The following ARHGEF26 variants were observed in gnomAD, a reference collection of about 807,000 sequenced individuals.
ARHGEF26 encodes Rho guanine nucleotide exchange factor 26, also known as Rho guanine nucleotide exchange factor (GEF) 26.
Under a neutral mutation model 89.4 loss-of-function variants are expected in ARHGEF26, and 59 were observed. The ratio of observed to expected loss-of-function variants is 0.66; its 90% CI spans 0.54 to 0.82. ARHGEF26 has a LOEUF of 0.82. Ranked by LOEUF, ARHGEF26 falls within the 40% of genes least tolerant of loss-of-function variation. ARHGEF26 has a pLI of 0.00. For missense variants in ARHGEF26, 1,234 were observed against 1,085.6 expected, an observed-to-expected ratio of 1.14 and a Z score of -1.92; for synonymous variants, 500 against 428.4, an observed-to-expected ratio of 1.17 and a Z score of -2.06.
At chr3:154,123,364 G>A (rs550112807) in intron 2 of ARHGEF26, among the ~76,000 whole-genome samples, 1 of 152,274 alleles carries the variant, frequency 6.6e-6, no homozygotes, top group South Asian at 2.1e-4. Context: ...TTGGCTGAGT[G>A]AGTCTTTACC....
At chr3:154,196,624 T>G (rs1436676386) in intron 9 of ARHGEF26, among the ~76,000 whole-genome samples, 1 of 152,214 alleles carries the variant, frequency 6.6e-6, no homozygotes, top group Non-Finnish European at 1.5e-5. Flanking sequence ...GTGAGCCACT[T>G]AAATTCATCT....
chr3:154,257,070 C>CTAGT lies in ARHGEF26; in HGVS notation c.*1600_*1603dup. The CTAGT allele has an allele frequency of 2.2e-6, 3 of 1,340,780 alleles. No individual in the cohort carries two copies. The highest frequency in any genetic ancestry group is 2.9e-6 in the Non-Finnish European group (3 of 1,031,928). The allele number at this position is 1,340,780 out of a possible 1,614,324, so 83.1% of individuals were successfully genotyped here. A position where few individuals can be genotyped will look rare whatever the true frequency, so the allele number is the denominator to read the frequency against. ...ACATGTCCCAACTACTGTCCGCTAA[C>CTAGT]TAGTTATCCAAATTGTAAAGCTACA... On this transcript the variant is annotated 3_prime_UTR_variant, in exon 15 of 15. Coordinates refer to ENST00000465093, the MANE Select transcript of ARHGEF26 (RefSeq NM_015595.4).
intron 11 of ARHGEF26, among the ~76,000 whole-genome samples, chr3:154,237,575 T>TACACACA (rs1322838552): frequency 3.4e-5 from 2 of 58,256 alleles, no homozygotes; most frequent in Admixed American, 1.9e-4. Flanking sequence ...CACACACACT[T>TACACACA]AACTAGTTTA....
intron 11 of ARHGEF26, among the ~76,000 whole-genome samples, chr3:154,239,285 A>AGTGTGT (rs1717323323): frequency 1.9e-5 from 2 of 104,348 alleles, no homozygotes; most frequent in South Asian, 8.5e-4. Flanking sequence ...AGAGAGAGAG[A>AGTGTGT]GAGAGAGAGA....
intron 9 of ARHGEF26, among the ~76,000 whole-genome samples, chr3:154,210,937 T>A (rs1306223798): frequency 2.1e-5 from 3 of 142,784 alleles, no homozygotes; most frequent in Non-Finnish European, 4.6e-5. Context: ...ATTAAGTCTG[T>A]CCCCCCACCA....
intron 6 of ARHGEF26, among the ~76,000 whole-genome samples, chr3:154,160,181 A>G (rs1294405227): frequency 5.3e-5 from 8 of 152,176 alleles, no homozygotes. Flanking sequence ...TTTATTTGAA[A>G]TTCACCCGAA....
chr3:154,256,955 C>A lies in ARHGEF26; in HGVS notation c.*1482C>A. ...AGAGGGGGGAAATGATTTTTACTGGCAGCTATATTCCCTCTCTGTTCTATT... is the reference window on the plus strand; with the variant it reads ...AGAGGGGGGAAATGATTTTTACTGGAAGCTATATTCCCTCTCTGTTCTATT... On this transcript the variant is annotated 3_prime_UTR_variant, in exon 15 of 15. Coordinates refer to ENST00000465093, the MANE Select transcript of ARHGEF26 (RefSeq NM_015595.4). 1 of 1,532,156 alleles carries A rather than the reference C, an allele frequency of 6.5e-7. No homozygotes were observed. Among genetic ancestry groups the A allele is most frequent in the Non-Finnish European group, 8.7e-7 (1 of 1,145,448 alleles). 94.9% of individuals were successfully genotyped at this position (1,532,156 alleles called of 1,614,324 possible). A position where few individuals can be genotyped will look rare whatever the true frequency, so the allele number is the denominator to read the frequency against.
At chr3:154,202,362 A>G (rs941330569) in intron 9 of ARHGEF26, among the ~76,000 whole-genome samples, 31 of 152,206 alleles carry the variant, frequency 2.0e-4, no homozygotes, top group African/African-American at 6.3e-4. Context: ...CCCTTGGTCT[A>G]TATCTCTGTT....
At chr3:154,241,332 C>G (rs1717470761) in intron 12 of ARHGEF26, among the ~76,000 whole-genome samples, 2 of 151,780 alleles carry the variant, frequency 1.3e-5, no homozygotes, top group Admixed American at 6.6e-5. Flanking sequence ...AGGAGAAGTT[C>G]CCTAATTCTT....
chr3:154,211,541 T>C (rs1012787386), intron 9 of ARHGEF26, among the ~76,000 whole-genome samples: 1 of 152,066 alleles, frequency 6.6e-6, no homozygotes, highest in African/African-American at 2.4e-5. Context: ...GCATCAGGGA[T>C]TCAAGACTGT....
intron 11 of ARHGEF26, among the ~76,000 whole-genome samples, chr3:154,234,320 G>A (rs893625492): frequency 2.0e-5 from 3 of 152,054 alleles, no homozygotes; most frequent in Non-Finnish European, 4.4e-5. Flanking sequence ...TCCGTATTAA[G>A]TATCTAAAAT....
chr3:154,143,511 CAT>C (rs1031079158), intron 4 of ARHGEF26, among the ~76,000 whole-genome samples: 18 of 152,052 alleles, frequency 1.2e-4, no homozygotes, highest in Admixed American at 6.6e-5. Flanking sequence ...TGTTGTTAAT[CAT>C]GTGTGTGTTT....
intron 4 of ARHGEF26, among the ~76,000 whole-genome samples, chr3:154,139,740 A>C (rs1007645103): frequency 6.6e-6 from 1 of 152,174 alleles, no homozygotes; most frequent in Non-Finnish European, 1.5e-5. Context: ...ATCCTTAAAA[A>C]TTTGTTACTC....
chr3:154,243,905 G>T (rs1000959971), intron 12 of ARHGEF26, among the ~76,000 whole-genome samples: 1 of 152,218 alleles, frequency 6.6e-6, no homozygotes, highest in African/African-American at 2.4e-5. Context: ...TACATGCCAT[G>T]TTTGCAAATA....
intron 12 of ARHGEF26, among the ~76,000 whole-genome samples, chr3:154,251,859 G>A (rs1359454866): frequency 6.6e-6 from 1 of 152,232 alleles, no homozygotes; most frequent in East Asian, 1.9e-4. Flanking sequence ...GAAAGGGTCA[G>A]AATGGAAATG....
chr3:154,155,165 C>A (rs2108104736), intron 6 of ARHGEF26, among the ~76,000 whole-genome samples: 1 of 152,052 alleles, frequency 6.6e-6, no homozygotes, highest in Middle Eastern at 3.4e-3. Flanking sequence ...TTTTAGTTAG[C>A]ATTTCTCTTA....
At chr3:154,154,007 C>A (rs887974058) in intron 6 of ARHGEF26, among the ~76,000 whole-genome samples, 1 of 152,016 alleles carries the variant, frequency 6.6e-6, no homozygotes, top group East Asian at 1.9e-4. Context: ...TGATCAATAC[C>A]AGATCCATTA....
At chr3:154,175,522 T>C (rs1457671451) in intron 6 of ARHGEF26, among the ~76,000 whole-genome samples, 1 of 152,164 alleles carries the variant, frequency 6.6e-6, no homozygotes, top group Non-Finnish European at 1.5e-5. Context: ...AAATCTTGAG[T>C]CCTTTTAACA....
intron 4 of ARHGEF26, among the ~76,000 whole-genome samples, chr3:154,132,894 A>G (rs1034200438): frequency 6.6e-6 from 1 of 152,114 alleles, no homozygotes. Flanking sequence ...TGAGTATAAC[A>G]TTTTAATGCA....
Sources: gnomAD v4.1 joint callset for allele counts (sites outside exome capture counted in the v4.1 genomes callset) on GRCh38, gnomAD v4.1.1 for gene constraint, MANE v1.5 for transcripts, NCBI Gene and HGNC (gene_info 2026-07-23, HGNC 2026-07-21) for gene names.